The following TENM2 variants were observed in gnomAD, a reference collection of about 807,000 sequenced individuals.
TENM2 encodes teneurin-2.
Under a neutral mutation model 245.2 loss-of-function variants are expected in TENM2, and 52 were observed. The ratio of observed to expected loss-of-function variants is 0.21; its 90% CI spans 0.17 to 0.27. TENM2 has a LOEUF of 0.27. Ranked by LOEUF, TENM2 falls within the 10% of genes least tolerant of loss-of-function variation. The pLI, the probability that TENM2 is intolerant of heterozygous loss-of-function variation, is 1.00. For synonymous variants in TENM2, 1,363 were observed against 1,438.9 expected, an observed-to-expected ratio of 0.95 and a Z score of 1.19; for missense variants, 3,046 against 3,666.8, an observed-to-expected ratio of 0.83 and a Z score of 4.37.
intron 10 of TENM2, among the ~76,000 whole-genome samples, chr5:168,123,898 A>G (rs193178339): frequency 9.2e-5 from 14 of 152,356 alleles, no homozygotes; most frequent in Admixed American, 7.8e-4. Context: ...AAAAGGCCCT[A>G]TTTATTCAAC....
At chr5:166,991,963 T>A in the TENM2 span, among the ~76,000 whole-genome samples, 1 of 152,260 alleles carries the variant, frequency 6.6e-6, no homozygotes, top group Admixed American at 6.5e-5. Context: ...AAAATTTAAA[T>A]GTTTAAAACA....
chr5:167,637,165 G>A (rs1294796704), intron 2 of TENM2, among the ~76,000 whole-genome samples: 2 of 152,156 alleles, frequency 1.3e-5, no homozygotes, highest in Admixed American at 1.3e-4. Flanking sequence ...CACTAAGAAC[G>A]ATGTGTTTGC....
intron 13 of TENM2, among the ~76,000 whole-genome samples, chr5:168,189,370 A>G (rs1450911016): frequency 6.6e-6 from 1 of 152,188 alleles, no homozygotes; most frequent in Non-Finnish European, 1.5e-5. Flanking sequence ...CTCTACCATT[A>G]GCTCCTTAAA....
chr5:167,771,601 G>T (rs959482415), intron 2 of TENM2, among the ~76,000 whole-genome samples: 3 of 151,848 alleles, frequency 2.0e-5, no homozygotes. Flanking sequence ...CTAAAATTTT[G>T]TTGGGCAGTT....
At chr5:167,123,631 A>T in the TENM2 span, among the ~76,000 whole-genome samples, 1 of 152,138 alleles carries the variant, frequency 6.6e-6, no homozygotes, top group East Asian at 1.9e-4. Flanking sequence ...ACCCACTCTA[A>T]AGGGATGCCT....
chr5:167,952,936 A>G, intron 4 of TENM2, 114 bp downstream of exon 6: 2 of 820,692 alleles, frequency 2.4e-6, no homozygotes, highest in Admixed American at 4.5e-5. Context: ...CTGGGTATAA[A>G]TAATGAGACA....
chr5:167,455,232 C>A (rs967512978), intron 2 of TENM2, among the ~76,000 whole-genome samples: 1 of 152,136 alleles, frequency 6.6e-6, no homozygotes, highest in Admixed American at 6.5e-5. Context: ...ACCGAGTGAA[C>A]ACTAGAACAA....
chr5:167,934,934 T>C, intron 3 of TENM2: 1 of 984,984 alleles, frequency 1.0e-6, no homozygotes, highest in South Asian at 4.7e-5. Flanking sequence ...GGCAGAAGGA[T>C]GGCTTTTATT....
At chr5:168,190,354 T>C (rs1760841723) in exon 14 of TENM2, 2 of 1,613,740 alleles carry the variant, frequency 1.2e-6, no homozygotes. Flanking sequence ...GGTGGATTGT[T>C]TGGACCCTGA....
intron 2 of TENM2, among the ~76,000 whole-genome samples, chr5:167,638,475 C>G (rs1287872230): frequency 6.6e-6 from 1 of 152,128 alleles, no homozygotes; most frequent in Non-Finnish European, 1.5e-5. Flanking sequence ...AACTACTGGG[C>G]TGAGCTTCAG....
chr5:167,572,738 G>A (rs1177275294), intron 2 of TENM2, among the ~76,000 whole-genome samples: 1 of 152,174 alleles, frequency 6.6e-6, no homozygotes, highest in Non-Finnish European at 1.5e-5. Context: ...TTTGAATTGG[G>A]AAATCATTTC....
At chr5:167,438,895 G>C (rs531235395) in intron 2 of TENM2, among the ~76,000 whole-genome samples, 141 of 152,238 alleles carry the variant, frequency 9.3e-4, no homozygotes, top group African/African-American at 3.2e-3. Flanking sequence ...CGGAGTTCAA[G>C]CACTTCTCCT....
At chr5:167,960,889 T>A (rs1561985025) in intron 4 of TENM2, among the ~76,000 whole-genome samples, 1 of 152,196 alleles carries the variant, frequency 6.6e-6, no homozygotes, top group African/African-American at 2.4e-5. Context: ...AAGCACAGTA[T>A]CTGGGCCGGA....
intron 2 of TENM2, among the ~76,000 whole-genome samples, chr5:167,406,217 C>A (rs564117985): frequency 7.9e-4 from 121 of 152,210 alleles, no homozygotes; most frequent in African/African-American, 2.8e-3. Context: ...TTGCAGTAAT[C>A]CACCTTGTCA....
At chr5:168,110,865 C>T (rs940749563) in intron 9 of TENM2, among the ~76,000 whole-genome samples, 17 of 152,166 alleles carry the variant, frequency 1.1e-4, no homozygotes, top group Non-Finnish European at 1.9e-4. Context: ...ACTTTTATAA[C>T]TCTCAAAATG....
At chr5:166,983,541 A>G in the TENM2 span, among the ~76,000 whole-genome samples, 1 of 152,116 alleles carries the variant, frequency 6.6e-6, no homozygotes, top group Non-Finnish European at 1.5e-5. Flanking sequence ...AGAAACTGAA[A>G]CCAAGTAACA....
At chr5:167,605,018 G>GGC (rs1215396430) in intron 2 of TENM2, among the ~76,000 whole-genome samples, 1 of 152,158 alleles carries the variant, frequency 6.6e-6, no homozygotes, top group African/African-American at 2.4e-5. Flanking sequence ...GGAGGCACGA[G>GGC]GCAAGGTGTG....
chr5:167,921,059 T>A (rs940730943), intron 3 of TENM2, among the ~76,000 whole-genome samples: 1 of 152,214 alleles, frequency 6.6e-6, no homozygotes, highest in African/African-American at 2.4e-5. Context: ...CACCCAAAGA[T>A]TTATGGACTG....
chr5:167,472,206 A>T (rs1280874693), intron 2 of TENM2, among the ~76,000 whole-genome samples: 1 of 152,092 alleles, frequency 6.6e-6, no homozygotes, highest in East Asian at 1.9e-4. Context: ...TTGAGCATGC[A>T]CCTTTTAAAA....
Sources: gnomAD v4.1 joint callset for allele counts (sites outside exome capture counted in the v4.1 genomes callset) on GRCh38, gnomAD v4.1.1 for gene constraint, MANE v1.5 for transcripts, NCBI Gene and HGNC (gene_info 2026-07-23, HGNC 2026-07-21) for gene names.